The following CTNNA2 variants were observed in gnomAD, a reference collection of about 807,000 sequenced individuals.
CTNNA2 encodes catenin alpha-2.
A neutral mutation model predicts 101.0 loss-of-function variants in CTNNA2; 42 were observed. That is an observed-to-expected ratio of 0.42 (90% CI 0.32 to 0.54). The LOEUF is 0.54. Among genes scored for constraint, CTNNA2 ranks in the 20% least tolerant of loss-of-function variants. The pLI is 0.14. For synonymous variants in CTNNA2, 450 were observed against 456.4 expected, an observed-to-expected ratio of 0.99 and a Z score of 0.18; for missense variants, 871 against 1,223.1, an observed-to-expected ratio of 0.71 and a Z score of 4.29.
chr2:79,550,129 A>C (rs1674002102), intron 1 of CTNNA2, among the ~76,000 whole-genome samples: 1 of 152,182 alleles, frequency 6.6e-6, no homozygotes, highest in South Asian at 2.1e-4. Flanking sequence ...CTGGATATCA[A>C]TGTCAAGTGA....
At chr2:79,273,926 T>C (rs1203213175) in intron 2 of CTNNA2, among the ~76,000 whole-genome samples, 1 of 152,004 alleles carries the variant, frequency 6.6e-6, no homozygotes, top group Non-Finnish European at 1.5e-5. Flanking sequence ...GATTCCGCTC[T>C]TTGTGGTCTG....
chr2:79,650,625 T>A lies in CTNNA2; in HGVS notation c.-5-927T>A, dbSNP rs118038533. ...CATAGTCCTCTCTGTGTTTCTTTTT[T>A]TTTTTTTAAATGTATTTATTTTTAT... On this transcript the variant is annotated intron_variant, in intron 1 of 18. Transcript: ENST00000402739. Among the ~76,000 whole-genome samples the A allele has an allele frequency of 1.9e-4, 29 of 152,070 alleles. No individual in the cohort carries two copies. The East Asian group carries it at 2.7e-3, about 14-fold the overall frequency.
At chr2:80,635,148 A>C (rs1238449062) in intron 18 of CTNNA2, among the ~76,000 whole-genome samples, 2 of 152,194 alleles carry the variant, frequency 1.3e-5, no homozygotes, top group Non-Finnish European at 2.9e-5. Context: ...CCCTACCTGC[A>C]TCTGTGATCG....
intron 4 of CTNNA2, among the ~76,000 whole-genome samples, chr2:79,404,511 A>C (rs1678321810): frequency 6.6e-6 from 1 of 152,088 alleles, no homozygotes; most frequent in South Asian, 2.1e-4. Flanking sequence ...GAAAACTGAG[A>C]AATACTATAA....
chr2:79,984,307 C>T (rs1423842373), intron 7 of CTNNA2, among the ~76,000 whole-genome samples: 1 of 152,106 alleles, frequency 6.6e-6, no homozygotes, highest in Non-Finnish European at 1.5e-5. Context: ...CCACATTGAG[C>T]AAGTTAGTGT....
intron 17 of CTNNA2, among the ~76,000 whole-genome samples, chr2:80,616,932 G>GAC (rs769761229): frequency 7.3e-5 from 11 of 151,650 alleles, no homozygotes; most frequent in South Asian, 2.1e-4. Context: ...TTTGCATTGG[G>GAC]TTCCTGAAGT....
Position 80,435,636 on chromosome 2 carries a change from T to C in CTNNA2, c.1290+16035T>C, listed in dbSNP as rs539095245. On this transcript the variant is annotated intron_variant, in intron 9 of 18. Transcript: ENST00000402739. ...TAGGTAGAGAATATGCTGGAGAAGA[T>C]GTGTATAAAGAAGACACTGGAAGAT... Among the ~76,000 whole-genome samples the C allele has an allele frequency of 2.0e-5, 3 of 152,314 alleles. No homozygotes were observed. In the South Asian group the frequency reaches 6.2e-4, roughly 32 times the overall value.
intron 8 of CTNNA2, among the ~76,000 whole-genome samples, chr2:80,398,243 A>G (rs562328170): frequency 1.1e-4 from 17 of 152,344 alleles, no homozygotes; most frequent in Admixed American, 3.3e-4. Context: ...ACATCTGCTC[A>G]TGATAGGGCC....
chr2:79,631,662 G>T (rs1045456714), intron 1 of CTNNA2, among the ~76,000 whole-genome samples: 25 of 152,170 alleles, frequency 1.6e-4, no homozygotes, highest in African/African-American at 5.8e-4. Context: ...AATAATATTT[G>T]CAACACGAAG....
intron 7 of CTNNA2, among the ~76,000 whole-genome samples, chr2:80,168,100 C>T (rs1704815720): frequency 1.3e-5 from 2 of 152,236 alleles, no homozygotes; most frequent in South Asian, 4.2e-4. Context: ...ATTTCATCTC[C>T]TGAATAGGTA....
chr2:79,812,579 C>T (rs2089816), intron 3 of CTNNA2, among the ~76,000 whole-genome samples: 1,957 of 152,230 alleles, frequency 0.013, 46 homozygotes, highest in South Asian at 0.12. Context: ...ATATAAGAAA[C>T]CTTATGATCT....
chr2:79,616,735 C>T (rs1678646612), intron 1 of CTNNA2, among the ~76,000 whole-genome samples: 1 of 152,004 alleles, frequency 6.6e-6, no homozygotes, highest in South Asian at 2.1e-4. Flanking sequence ...TTATATGTTT[C>T]TGAAAAGACT....
At chr2:79,282,525 G>A in intron 2 of CTNNA2, among the ~76,000 whole-genome samples, 1 of 150,512 alleles carries the variant, frequency 6.6e-6, no homozygotes. Flanking sequence ...TTTTGTTCTT[G>A]CGATAGTTTA....
At chr2:79,940,745 C>T (rs546417630) in intron 7 of CTNNA2, among the ~76,000 whole-genome samples, 33 of 152,238 alleles carry the variant, frequency 2.2e-4, no homozygotes, top group African/African-American at 6.5e-4. Context: ...TAAATGTGTT[C>T]GGCACACTTA....
At chr2:79,487,207 AT>A (rs1406785591) in intron 4 of CTNNA2, among the ~76,000 whole-genome samples, 1 of 152,212 alleles carries the variant, frequency 6.6e-6, no homozygotes, top group East Asian at 1.9e-4. Flanking sequence ...GAAATTGTCA[AT>A]AGACATAGCA....
chr2:79,651,796 T>A lies in CTNNA2; in HGVS notation c.102+138T>A, dbSNP rs78677982. The A allele has an allele frequency of 0.11, 78,357 of 701,446 alleles. 6,259 individuals carry two copies. Among genetic ancestry groups the A allele is most frequent in the East Asian group, 0.31 (11,406 of 36,814 alleles). The allele number at this position is 701,446 out of a possible 1,614,324, so 43.5% of individuals were successfully genotyped here. On this transcript the variant is annotated intron_variant, in intron 2 of 18. Coordinates refer to ENST00000402739, the MANE Select transcript of CTNNA2 (RefSeq NM_001282597.3). Reference sequence around the variant, plus strand: ...CGATTACTGAATATATATTACTGCCTGAACTATGGGCAATCTCATTGCCCT... The same window carrying A: ...CGATTACTGAATATATATTACTGCCAGAACTATGGGCAATCTCATTGCCCT...
At chr2:80,100,606 T>G (rs1700482390) in intron 7 of CTNNA2, among the ~76,000 whole-genome samples, 1 of 152,206 alleles carries the variant, frequency 6.6e-6, no homozygotes, top group Admixed American at 6.5e-5. Context: ...CCACTATCAC[T>G]TGGGGCATGC....
chr2:80,213,408 G>C (rs543190489), intron 7 of CTNNA2, among the ~76,000 whole-genome samples: 79 of 152,234 alleles, frequency 5.2e-4, no homozygotes, highest in African/African-American at 1.8e-3. Context: ...ATTCTGGTAT[G>C]TTGTGTCTTT....
chr2:79,199,665 A>G (rs1027985009), intron 2 of CTNNA2, among the ~76,000 whole-genome samples: 1 of 152,162 alleles, frequency 6.6e-6, no homozygotes, highest in African/African-American at 2.4e-5. Context: ...AAAATACCAT[A>G]GACTAGGTGA....
Sources: allele counts gnomAD v4.1 joint callset (sites outside exome capture counted in the v4.1 genomes callset), GRCh38; gene constraint gnomAD v4.1.1; transcripts MANE v1.5; gene names NCBI Gene and HGNC (gene_info 2026-07-23, HGNC 2026-07-21).